EYA1: variants seen among roughly 807,000 people sequenced by gnomAD.
EYA1 encodes EYA transcriptional coactivator and phosphatase 1, also known as protein phosphatase EYA1.
A neutral mutation model predicts 82.0 loss-of-function variants in EYA1; 16 were observed. The observed-to-expected ratio is 0.20, with a 90% CI of 0.13 to 0.30. The LOEUF (loss-of-function observed/expected upper bound fraction) is 0.30. Among genes scored for constraint, EYA1 ranks in the 10% least tolerant of loss-of-function variants. The pLI, the probability that EYA1 is intolerant of heterozygous loss-of-function variation, is 1.00. For missense variants in EYA1, 633 were observed against 730.7 expected, an observed-to-expected ratio of 0.87 and a Z score of 1.54; for synonymous variants, 261 against 264.4, an observed-to-expected ratio of 0.99 and a Z score of 0.12.
At chr8:71,250,545 A>G (rs1216940534) in intron 11 of EYA1, among the ~76,000 whole-genome samples, 1 of 152,116 alleles carries the variant, frequency 6.6e-6, no homozygotes, top group East Asian at 1.9e-4. Flanking sequence ...TTAGATTCAG[A>G]GTATGGTTTT....
At chr8:71,311,370 G>A (rs878981156) in intron 7 of EYA1, among the ~76,000 whole-genome samples, 10 of 152,166 alleles carry the variant, frequency 6.6e-5, no homozygotes, top group Non-Finnish European at 1.0e-4. Flanking sequence ...TCATGCATGC[G>A]TGCACACACG....
intron 9 of EYA1, among the ~76,000 whole-genome samples, chr8:71,285,709 C>T (rs750827567): frequency 1.7e-4 from 26 of 152,110 alleles, no homozygotes; most frequent in Non-Finnish European, 3.1e-4. Context: ...GGTTTTTGTG[C>T]AAATATTAAC....
chr8:71,391,309 T>C (rs1180918612), intron 2 of EYA1, among the ~76,000 whole-genome samples: 1 of 152,158 alleles, frequency 6.6e-6, no homozygotes, highest in Non-Finnish European at 1.5e-5. Flanking sequence ...TGTTAATAGC[T>C]TCCGTTTCAC....
chr8:71,400,727 G>A (rs549597605), intron 2 of EYA1, among the ~76,000 whole-genome samples: 2 of 152,236 alleles, frequency 1.3e-5, no homozygotes, highest in South Asian at 4.1e-4. Flanking sequence ...AGACAGTGTG[G>A]CAATTCCTCA....
intron 1 of EYA1, among the ~76,000 whole-genome samples, chr8:71,546,680 T>G (rs974503506): frequency 6.6e-6 from 1 of 152,106 alleles, no homozygotes; most frequent in Non-Finnish European, 1.5e-5. Flanking sequence ...TTTTGTGTAT[T>G]TTTAGTAGAG....
chr8:71,323,123 A>T (rs1025979), intron 4 of EYA1, among the ~76,000 whole-genome samples: 36,358 of 152,014 alleles, frequency 0.24, 4,525 homozygotes, highest in African/African-American at 0.3. Context: ...TTTCATTGTA[A>T]ACACAGTGAA....
At chr8:71,315,512 A>G (rs1821826528) in intron 7 of EYA1, among the ~76,000 whole-genome samples, 1 of 152,206 alleles carries the variant, frequency 6.6e-6, no homozygotes, top group African/African-American at 2.4e-5. Context: ...GGACCCCTCC[A>G]GCACTCTTTA....
chr8:71,312,608 T>G lies in EYA1; in HGVS notation c.556+4944A>C, dbSNP rs10216454. 4.7e-3 allele frequency among the ~76,000 whole-genome samples: 716 copies of G among 152,254 alleles called. 5 individuals are homozygous for G. The highest frequency in any genetic ancestry group is 0.017 in the African/African-American group (686 of 41,548). On this transcript the variant is annotated intron_variant, in intron 7 of 17. Coordinates refer to ENST00000340726, the MANE Select transcript of EYA1 (RefSeq NM_000503.6). ...ACGTGACATTACACCTGGCTAATTT[T>G]TGTATTTTTAATAGAGACGGGGTTT... is the stretch of plus-strand genomic sequence containing the variant.
intron 2 of EYA1, among the ~76,000 whole-genome samples, chr8:71,367,164 C>G (rs1159648022): frequency 6.6e-6 from 1 of 152,002 alleles, no homozygotes; most frequent in African/African-American, 2.4e-5. Context: ...ATATTCCCAA[C>G]TTATTATTTA....
At chr8:71,341,148 G>A (rs937302638) in intron 3 of EYA1, among the ~76,000 whole-genome samples, 2 of 152,074 alleles carry the variant, frequency 1.3e-5, no homozygotes, top group Admixed American at 1.3e-4. Flanking sequence ...GATCCCGCCC[G>A]AATCAGTAAA....
chr8:71,326,341 C>A (rs1823141929), intron 4 of EYA1, among the ~76,000 whole-genome samples: 1 of 152,150 alleles, frequency 6.6e-6, no homozygotes, highest in African/African-American at 2.4e-5. Flanking sequence ...CCCTCAAACC[C>A]CACCTACCCT....
intron 12 of EYA1, among the ~76,000 whole-genome samples, chr8:71,228,090 A>G (rs1166934473): frequency 6.6e-6 from 1 of 152,202 alleles, no homozygotes; most frequent in Non-Finnish European, 1.5e-5. Context: ...AAAAATATGC[A>G]GAACCGGACA....
At chr8:71,298,176 T>C (rs998785063) in intron 9 of EYA1, among the ~76,000 whole-genome samples, 1 of 152,188 alleles carries the variant, frequency 6.6e-6, no homozygotes, top group Non-Finnish European at 1.5e-5. Flanking sequence ...ATGATTATAA[T>C]ATCAGAGAGG....
chr8:71,444,577 C>T (rs1806706186), intron 2 of EYA1, among the ~76,000 whole-genome samples: 1 of 152,172 alleles, frequency 6.6e-6, no homozygotes, highest in African/African-American at 2.4e-5. Flanking sequence ...CCACTCAGGG[C>T]TCATCTTAGG....
chr8:71,480,141 A>G (rs1056009371), intron 2 of EYA1, among the ~76,000 whole-genome samples: 4 of 152,222 alleles, frequency 2.6e-5, no homozygotes, highest in South Asian at 4.1e-4. Context: ...AAGTTTATCC[A>G]TAACGTATTG....
chr8:71,490,372 G>A (rs1237657346), intron 2 of EYA1, among the ~76,000 whole-genome samples: 2 of 152,178 alleles, frequency 1.3e-5, no homozygotes, highest in Non-Finnish European at 2.9e-5. Flanking sequence ...GGTATTGCAT[G>A]CTGAAATAGT....
intron 4 of EYA1, among the ~76,000 whole-genome samples, chr8:71,324,834 G>T (rs1822972944): frequency 6.6e-6 from 1 of 151,960 alleles, no homozygotes; most frequent in Admixed American, 6.6e-5. Context: ...ATTGCCTGTT[G>T]GTCTGTCCTG....
intron 3 of EYA1, among the ~76,000 whole-genome samples, chr8:71,346,260 A>G (rs1177360155): frequency 1.3e-5 from 2 of 152,002 alleles, no homozygotes; most frequent in South Asian, 2.1e-4. Flanking sequence ...AATCACATTT[A>G]ATAGTGAACT....
At chr8:71,474,511 A>G (rs1238755417) in intron 2 of EYA1, among the ~76,000 whole-genome samples, 1 of 152,210 alleles carries the variant, frequency 6.6e-6, no homozygotes, top group African/African-American at 2.4e-5. Context: ...TATATTATCA[A>G]GATCACAACT....
Sources: gnomAD v4.1 joint callset for allele counts (sites outside exome capture counted in the v4.1 genomes callset) on GRCh38, gnomAD v4.1.1 for gene constraint, MANE v1.5 for transcripts, NCBI Gene and HGNC (gene_info 2026-07-23, HGNC 2026-07-21) for gene names.